RBFOX1: variants seen among roughly 807,000 people sequenced by gnomAD.
RBFOX1 encodes the protein RNA binding fox-1 homolog 1.
Under a neutral mutation model 57.7 loss-of-function variants are expected in RBFOX1, and 8 were observed. The ratio of observed to expected loss-of-function variants is 0.14; its 90% CI spans 0.08 to 0.25. The LOEUF (loss-of-function observed/expected upper bound fraction) is 0.25, where lower values mean the gene tolerates loss of function less well. RBFOX1 is among the 10% of genes least tolerant of loss of function. The pLI, the probability that RBFOX1 is intolerant of heterozygous loss-of-function variation, is 1.00. For synonymous variants in RBFOX1, 326 were observed against 222.4 expected (o/e 1.47, Z -4.15); for missense variants, 611 against 548.5 (o/e 1.11, Z -1.14).
At chr16:7,315,451 A>C (rs965867589) in intron 4 of RBFOX1, among the ~76,000 whole-genome samples, 5 of 122,250 alleles carry the variant, frequency 4.1e-5, no homozygotes, top group South Asian at 2.5e-4. Context: ...GCCCTACTCT[A>C]CCCTACCCCC....
At chr16:6,379,586 G>A (rs927674515) in intron 2 of RBFOX1, among the ~76,000 whole-genome samples, 6 of 151,866 alleles carry the variant, frequency 4.0e-5, no homozygotes, top group African/African-American at 1.5e-4. Context: ...GTATGCCAAG[G>A]GTAGAAAATT....
intron 3 of RBFOX1, among the ~76,000 whole-genome samples, chr16:7,037,654 T>G (rs1378285933): frequency 2.6e-5 from 4 of 152,210 alleles, no homozygotes; most frequent in Non-Finnish European, 4.4e-5. Flanking sequence ...TTCTAATTGC[T>G]TTGCAAATAT....
intron 4 of RBFOX1, among the ~76,000 whole-genome samples, chr16:7,248,421 T>C (rs1247578767): frequency 6.6e-6 from 1 of 152,170 alleles, no homozygotes. Context: ...GCTGAGTCCC[T>C]TCATATCTTT....
At chr16:6,530,341 G>C (rs575571742) in intron 2 of RBFOX1, among the ~76,000 whole-genome samples, 4 of 152,116 alleles carry the variant, frequency 2.6e-5, no homozygotes, top group Admixed American at 6.6e-5. Flanking sequence ...CACTCACATA[G>C]TTCCAGCAGA....
At chr16:6,380,477 A>C (rs977583752) in intron 2 of RBFOX1, among the ~76,000 whole-genome samples, 2 of 131,522 alleles carry the variant, frequency 1.5e-5, no homozygotes, top group African/African-American at 5.9e-5. Context: ...GTCTAGACAC[A>C]GAGAAAATGG....
chr16:6,974,443 C>G (rs1427624258), intron 3 of RBFOX1, among the ~76,000 whole-genome samples: 1 of 133,988 alleles, frequency 7.5e-6, no homozygotes, highest in African/African-American at 2.8e-5. Context: ...CTCCCAGGTT[C>G]AAGGAATTAT....
rs565248640 is a variant in RBFOX1 at position 6,512,283 on chromosome 16, C to CAAAAAAA, written c.-63-142310_-63-142304dup. On this transcript the variant is annotated intron_variant, in intron 2 of 15. Coordinates refer to ENST00000550418, the MANE Select transcript of RBFOX1 (RefSeq NM_018723.4). Reference sequence around the variant, plus strand: ...TGGGTAACAGAGCAAGACCCTGTATCAAAAAAAAAAAAAAAAGGTAAGAGA... The same window carrying CAAAAAAA: ...TGGGTAACAGAGCAAGACCCTGTATCAAAAAAAAAAAAAAAAAAAAAAAGGTAAGAGA... 8.1e-4 allele frequency among the ~76,000 whole-genome samples: 70 copies of CAAAAAAA among 86,954 alleles called. 8 individuals carry two copies. The highest frequency in any genetic ancestry group is 0.014 in the Middle Eastern group (2 of 138). The allele number at this position is 86,954 out of a possible 152,430, so 57.0% of individuals were successfully genotyped here. A position where few individuals can be genotyped will look rare whatever the true frequency, so the allele number is the denominator to read the frequency against.
In RBFOX1 at chr16:7,266,707, T is replaced by G. The variant is rs939801087; in HGVS notation, c.27+214609T>G. Among the ~76,000 whole-genome samples the G allele has an allele frequency of 3.3e-5, 5 of 152,144 alleles. No homozygotes were observed. The East Asian group carries it at 9.6e-4, about 29-fold the overall frequency. ...TGTGTTCATGAGCTTACATTCTTTA[T>G]ATTTGACAATAAAAAAGTAAGCAAA... On this transcript the variant is annotated intron_variant, in intron 4 of 15. Coordinates refer to ENST00000550418, the MANE Select transcript of RBFOX1 (RefSeq NM_018723.4).
intron 2 of RBFOX1, among the ~76,000 whole-genome samples, chr16:6,324,130 T>C (rs1341143341): frequency 6.6e-6 from 1 of 152,008 alleles, no homozygotes; most frequent in Non-Finnish European, 1.5e-5. Flanking sequence ...TAATTTCTCA[T>C]CCCTCACCTT....
At chr16:7,356,048 T>C (rs1013276352) in intron 4 of RBFOX1, among the ~76,000 whole-genome samples, 9 of 152,228 alleles carry the variant, frequency 5.9e-5, no homozygotes, top group African/African-American at 2.2e-4. Context: ...CAACGAGTTC[T>C]CTCTAATGGG....
intron 3 of RBFOX1, among the ~76,000 whole-genome samples, chr16:6,700,357 CAAAA>C (rs764836272): frequency 1.0e-5 from 1 of 99,944 alleles, no homozygotes; most frequent in Non-Finnish European, 2.5e-5. Context: ...AAGGTTAAAA[CAAAA>C]AAAAAAAGAA....
chr16:6,494,585 GT>G (rs2095713870), intron 2 of RBFOX1, among the ~76,000 whole-genome samples: 1 of 152,186 alleles, frequency 6.6e-6, no homozygotes, highest in Non-Finnish European at 1.5e-5. Flanking sequence ...CCATTCACCT[GT>G]TGAAGGATAT....
intron 14 of RBFOX1, among the ~76,000 whole-genome samples, chr16:7,692,884 TTCTTA>T (rs939845695): frequency 1.7e-4 from 17 of 101,408 alleles, no homozygotes; most frequent in Non-Finnish European, 3.4e-4. Context: ...ACAGCACTTT[TTCTTA>T]TTTTTTTTTG....
At position 7,482,542 on chromosome 16, in the gene RBFOX1, ATTTTTTTTTT is replaced by A. The variant is rs1178577326; in HGVS notation, c.28-35588_28-35579del. Among the ~76,000 whole-genome samples, 5 of 77,146 alleles carry A rather than the reference ATTTTTTTTTT, an allele frequency of 6.5e-5. No individual in the cohort carries two copies. In the East Asian group the frequency reaches 1.3e-3, roughly 20 times the overall value. 50.6% of individuals were successfully genotyped at this position (77,146 alleles called of 152,430 possible). A position where few individuals can be genotyped will look rare whatever the true frequency, so the allele number is the denominator to read the frequency against. On this transcript the variant is annotated intron_variant, in intron 4 of 15. Transcript: ENST00000550418. The stretch of plus-strand genomic sequence containing the variant: ...TGCATCTTCCCTTTGATTGCCTGGG[ATTTTTTTTTT>A]TTTTTTTTTTTTTTTTGGAAAGCAG...
At chr16:7,615,213 G>T (rs915421639) in intron 10 of RBFOX1, among the ~76,000 whole-genome samples, 2 of 152,096 alleles carry the variant, frequency 1.3e-5, no homozygotes, top group African/African-American at 4.8e-5. Flanking sequence ...GGCACCTGTA[G>T]TCCCAGCTAC....
At chr16:6,985,832 T>TAAAAAAAA (rs565941451) in intron 3 of RBFOX1, among the ~76,000 whole-genome samples, 41,280 of 96,828 alleles carry the variant, frequency 0.43, 10,082 homozygotes, top group Non-Finnish European at 0.53. Context: ...TGAGTTCATG[T>TAAAAAAAA]AAAAAAAAAA....
chr16:5,950,720 C>G (rs531598245), intron 4 of RBFOX1, among the ~76,000 whole-genome samples: 1 of 152,212 alleles, frequency 6.6e-6, no homozygotes, highest in East Asian at 1.9e-4. Flanking sequence ...TTATCAGGCA[C>G]CTACTGGGTA....
rs150579059 is a variant in RBFOX1 at position 5,266,611 on chromosome 16, G to C, written c.219+26506G>C. Reference sequence around the variant, plus strand: ...CACCCAGGCTGGAGCACAGTGGCACGATCATGGCTCACTGCAGCCTCTGTC... The same window carrying C: ...CACCCAGGCTGGAGCACAGTGGCACCATCATGGCTCACTGCAGCCTCTGTC... On this transcript the variant is annotated intron_variant, in intron 1 of 2. Transcript: ENST00000585867. Among the ~76,000 whole-genome samples the C allele has an allele frequency of 1.0e-2, 1,454 of 145,450 alleles. 22 individuals carry two copies. Among genetic ancestry groups the C allele is most frequent in the African/African-American group, 0.027 (1,073 of 39,214 alleles).
rs143867675 is a variant in RBFOX1, at chr16:5,620,182, G to A, written c.318+21221G>A. 1.1e-3 allele frequency among the ~76,000 whole-genome samples: 167 copies of A among 152,114 alleles called. 2 individuals carry two copies. The highest frequency in any genetic ancestry group is 6.8e-3 in the Middle Eastern group (2 of 294). On this transcript the variant is annotated intron_variant, in intron 3 of 19. Coordinates refer to the RBFOX1 transcript ENST00000641259. ...CGAGGAGCTTTGCGTACATTTTTGCGCCATGCTCACATTATCCCAGGATCA... is the reference window on the plus strand; with the variant it reads ...CGAGGAGCTTTGCGTACATTTTTGCACCATGCTCACATTATCCCAGGATCA...
Sources: gnomAD v4.1 joint callset for allele counts (sites outside exome capture counted in the v4.1 genomes callset) on GRCh38, gnomAD v4.1.1 for gene constraint, MANE v1.5 for transcripts, NCBI Gene and HGNC (gene_info 2026-07-23, HGNC 2026-07-21) for gene names.